The following GLA variants were observed in gnomAD, a reference collection of about 807,000 sequenced individuals.
The protein encoded by GLA is alpha-galactosidase A.
GLA carries 4 observed loss-of-function variants against 28.2 expected under a neutral mutation model. The observed-to-expected ratio is 0.14, with a 90% CI of 0.07 to 0.32. The LOEUF is 0.32. GLA is among the 10% of genes least tolerant of loss of function. GLA has a pLI of 1.00. For missense variants in GLA, 203 were observed against 323.7 expected (o/e 0.63, Z 2.86); for synonymous variants, 94 against 113.0 (o/e 0.83, Z 1.07).
In GLA at chrX:101,407,917, G is replaced by C. The variant is rs1194117578; in HGVS notation, c.-14C>G. On this transcript the variant is annotated 5_prime_UTR_variant, in exon 1 of 7. Coordinates refer to ENST00000218516, the MANE Select transcript of GLA (RefSeq NM_000169.3). Reference sequence around the variant, plus strand: ...CCTCAGCTGCATTGTCACGGTGACCGGACAGCATAAATTTCCGCGGGTAAC... The same window carrying C: ...CCTCAGCTGCATTGTCACGGTGACCCGACAGCATAAATTTCCGCGGGTAAC... 4 of 1,197,957 alleles carry C rather than the reference G, an allele frequency of 3.3e-6. No individual in the cohort carries two copies. The highest frequency in any genetic ancestry group is 3.4e-6 in the Non-Finnish European group (3 of 884,618).
rs3027588 is a variant in GLA at position 101,401,530 on chromosome X, T to C, written c.547+102A>G. 7,259 of 655,053 alleles carry C rather than the reference T, an allele frequency of 0.011. 361 individuals are homozygous for C. The African/African-American group carries it at 0.14, about 12-fold the overall frequency. 54.0% of individuals were successfully genotyped at this position (655,053 alleles called of 1,213,427 possible). On this transcript the variant is annotated intron_variant, in intron 3 of 6. Transcript: ENST00000218516. ...CATGGAGAATAATTATTTCCAGTAT[T>C]GTGACAGGGTATTTAAAATTCTGAA...
chrX:101,404,602 C>T (rs1201800683), intron 1 of GLA, among the ~76,000 whole-genome samples: 20 of 94,759 alleles, frequency 2.1e-4, no homozygotes, highest in African/African-American at 8.2e-4. Flanking sequence ...TGGAGTCTCC[C>T]TCTGTCACCC....
In GLA at chrX:101,398,423, C is replaced by G. The variant is rs142217511; in HGVS notation, c.946G>C (p.Val316Leu). The G allele has an allele frequency of 1.7e-6, 2 of 1,209,768 alleles. No individual in the cohort carries two copies. Among genetic ancestry groups the G allele is most frequent in the Non-Finnish European group, 2.2e-6 (2 of 893,974 alleles). ...QAKALLQDKDVIAINQDPLGK... is the reference protein window; with the variant it reads ...QAKALLQDKDLIAINQDPLGK... ...AAGGGGTCCTGATTGATGGCAATTACGTCCTTATCCTGAAGGAGAGCTTTG... is the reference window on the plus strand; with the variant it reads ...AAGGGGTCCTGATTGATGGCAATTAGGTCCTTATCCTGAAGGAGAGCTTTG... The change falls in exon 6 of 7, where the codon GTA becomes CTA. Residue 316 changes from valine (V) to leucine (L), a missense_variant. By Grantham distance (32) the Val-to-Leu change is conservative. Around this residue, in one of 3 missense-constraint regions of GLA, gnomAD observed 162 missense variants for 246.8 expected, o/e 0.66. Coordinates refer to ENST00000218516, the MANE Select transcript of GLA (RefSeq NM_000169.3).
intron 2 of GLA, among the ~76,000 whole-genome samples, 178 bp from the exon 3 acceptor site, chrX:101,401,987 T>A (rs782519616): frequency 8.9e-6 from 1 of 112,037 alleles, no homozygotes; most frequent in Admixed American, 9.5e-5. Context: ...AAAGAATAAA[T>A]CCCCCAGTTC....
chrX:101,402,821 G>T lies in GLA; in HGVS notation c.369+990C>A, dbSNP rs1023431. Among the ~76,000 whole-genome samples the T allele has an allele frequency of 0.13, 14,224 of 111,067 alleles. 684 individuals carry two copies. The highest frequency in any genetic ancestry group is 0.3 in the South Asian group (788 of 2,660). The stretch of plus-strand genomic sequence containing the variant: ...GTGTTGGACTCCATTTCTCTTCAAT[G>T]ATCTCCAGAATATTTTCCTTCTATC... On this transcript the variant is annotated intron_variant, in intron 2 of 6. Coordinates refer to ENST00000218516, the MANE Select transcript of GLA (RefSeq NM_000169.3).
chrX:101,405,514 G>C (rs1279013048), intron 1 of GLA, among the ~76,000 whole-genome samples: 1 of 112,036 alleles, frequency 8.9e-6, no homozygotes, highest in Non-Finnish European at 1.9e-5. Flanking sequence ...GACTTTCTCA[G>C]CATGACCCCA....
intron 2 of GLA, among the ~76,000 whole-genome samples, chrX:101,403,253 C>A (rs1463008288): frequency 1.0e-5 from 1 of 96,315 alleles, no homozygotes; most frequent in African/African-American, 3.9e-5. Context: ...GAGCCGAGAT[C>A]GCACCACTGC....
intron 1 of GLA, 139 bp downstream of exon 1, chrX:101,407,571 G>A (rs1928571038): frequency 6.5e-6 from 4 of 613,091 alleles, no homozygotes; most frequent in Middle Eastern, 3.8e-4. Flanking sequence ...ACAGTTTGCT[G>A]GGGATAAAAA....
intron 1 of GLA, among the ~76,000 whole-genome samples, chrX:101,405,236 C>CAAAAAAAAAA (rs11448515): frequency 3.7e-4 from 13 of 35,447 alleles, no homozygotes; most frequent in African/African-American, 4.3e-4. Flanking sequence ...AACTCCAGCT[C>CAAAAAAAAAA]AAAAAAAAAA....
chrX:101,405,486 T>G (rs1181608164), intron 1 of GLA, among the ~76,000 whole-genome samples: 1 of 111,805 alleles, frequency 8.9e-6, no homozygotes, highest in Non-Finnish European at 1.9e-5. Context: ...TATACTGTAT[T>G]ATCTTCAGGT....
intron 4 of GLA, 22 bp downstream of exon 4, chrX:101,400,644 G>C (rs1226667996): frequency 1.1e-6 from 1 of 900,430 alleles, no homozygotes; most frequent in African/African-American, 2.0e-5. Context: ...AGTTCTATTG[G>C]ATTCTGGGCT....
intron 1 of GLA, among the ~76,000 whole-genome samples, chrX:101,404,663 C>T (rs946718002): frequency 4.7e-5 from 5 of 105,388 alleles, no homozygotes; most frequent in Non-Finnish European, 9.7e-5. Context: ...TCTGCCTCCC[C>T]GGTTCAAGCG....
At chrX:101,400,857 G>T in intron 3 of GLA, 100 bp from the exon 4 acceptor site, 1 of 435,132 alleles carries the variant, frequency 2.3e-6, no homozygotes, top group South Asian at 3.7e-5. Flanking sequence ...AATTTTTTGA[G>T]ATGGGGTTCA....
intron 1 of GLA, among the ~76,000 whole-genome samples, chrX:101,404,942 C>T (rs1442287814): frequency 9.1e-6 from 1 of 110,024 alleles, no homozygotes; most frequent in Non-Finnish European, 1.9e-5. Context: ...CATGTACATT[C>T]ATTAAAAGAT....
chrX:101,399,087 G>C, intron 4 of GLA, 141 bp from the exon 5 acceptor site: 1 of 523,838 alleles, frequency 1.9e-6, no homozygotes, highest in Non-Finnish European at 3.3e-6. Flanking sequence ...CCCTTATAAT[G>C]AATTTTCACT....
chrX:101,404,109 A>G (rs1555986367), intron 1 of GLA, 124 bp from the exon 2 acceptor site: 1 of 576,227 alleles, frequency 1.7e-6, no homozygotes, highest in Admixed American at 2.4e-5. Flanking sequence ...TAGTAATCAC[A>G]AGCAATGTAA....
Position 101,398,467 on chromosome X carries a change from C to T in GLA, c.902G>A (p.Arg301Gln), listed in dbSNP as rs104894828. ...AGCTTTGGCTTGAGGGCTGATGTGT[C>T]GGAGGTCATTAGACATGAATAAAGG... ...AAPLFMSNDL[R>Q]HISPQAKALL... is the part of the protein sequence containing the mutation. Residue 301 changes from arginine to glutamine, a missense_variant, in exon 6 of 7, where the codon CGA becomes CAA. Around this residue, in one of 3 missense-constraint regions of GLA, gnomAD observed 162 missense variants for 246.8 expected, o/e 0.66. Transcript: ENST00000218516. 8.3e-7 allele frequency: 1 copy of T among 1,205,499 alleles called. No homozygotes were observed. The highest frequency in any genetic ancestry group is 1.1e-6 in the Non-Finnish European group (1 of 890,079).
intron 6 of GLA, 116 bp from the exon 7 acceptor site, chrX:101,398,215 C>G: frequency 1.3e-6 from 1 of 796,558 alleles, no homozygotes; most frequent in Non-Finnish European, 1.9e-6. Context: ...TTAAAATGAT[C>G]CTGTAGCATT....
intron 1 of GLA, among the ~76,000 whole-genome samples, chrX:101,405,252 A>AC (rs1393608846): frequency 1.8e-5 from 2 of 109,473 alleles, no homozygotes; most frequent in African/African-American, 6.6e-5. Context: ...AAAAAAAAAA[A>AC]AGAAAAAAAA....
Sources: allele counts gnomAD v4.1 joint callset (sites outside exome capture counted in the v4.1 genomes callset), GRCh38; gene constraint gnomAD v4.1.1; regional missense constraint gnomAD v4.1.1; transcripts MANE v1.5; gene names NCBI Gene and HGNC (gene_info 2026-07-23, HGNC 2026-07-21).